PCDHA9: variants seen among roughly 807,000 people sequenced by gnomAD.
PCDHA9 encodes the protein protocadherin alpha 9, also known as protocadherin alpha-9.
In PCDHA9, 62 loss-of-function variants were observed where a neutral mutation model predicts 62.0. The ratio of observed to expected loss-of-function variants is 1.00; its 90% CI spans 0.81 to 1.23. The LOEUF (loss-of-function observed/expected upper bound fraction) is 1.23. Among genes scored for constraint, PCDHA9 ranks in the 50% most tolerant of loss-of-function variants. The probability of loss-of-function intolerance (pLI) is 0.00; values close to 1 mark genes in which losing one functional copy is unlikely to be tolerated. For synonymous variants in PCDHA9, 557 were observed against 567.6 expected, an observed-to-expected ratio of 0.98 and a Z score of 0.27; for missense variants, 1,205 against 1,249.8, an observed-to-expected ratio of 0.96 and a Z score of 0.54.
intron 1 of PCDHA9, chr5:140,969,110 C>G (rs1380719565): frequency 2.5e-6 from 4 of 1,614,064 alleles, no homozygotes; most frequent in South Asian, 2.2e-5. Context: ...CATTGAAGTT[C>G]GAGGGAATGG....
At chr5:140,891,419 C>T (rs925275455) in intron 1 of PCDHA9, among the ~76,000 whole-genome samples, 1 of 147,378 alleles carries the variant, frequency 6.8e-6, no homozygotes, top group African/African-American at 2.5e-5. Flanking sequence ...CACTCTTGCC[C>T]CCAAGTCCCC....
chr5:140,942,145 CAT>C (rs2093239780), intron 1 of PCDHA9, among the ~76,000 whole-genome samples: 1 of 152,176 alleles, frequency 6.6e-6, no homozygotes, highest in African/African-American at 2.4e-5. Context: ...CTTTACTTGA[CAT>C]AAAACAGCTT....
chr5:140,992,352 G>C (rs1554252825), intron 3 of PCDHA9, among the ~76,000 whole-genome samples: 1 of 152,162 alleles, frequency 6.6e-6, no homozygotes, highest in African/African-American at 2.4e-5. Context: ...TGTGGAGAGA[G>C]GAGAAAAATG....
chr5:140,876,637 C>T, intron 1 of PCDHA9: 1 of 1,614,206 alleles, frequency 6.2e-7, no homozygotes, highest in Non-Finnish European at 8.5e-7. Context: ...CATCTGCTCA[C>T]TGACACCTCA....
chr5:140,915,077 C>G (rs2076970768), intron 1 of PCDHA9, among the ~76,000 whole-genome samples: 1 of 151,656 alleles, frequency 6.6e-6, no homozygotes. Flanking sequence ...TACTGAGTAG[C>G]TGGGACTATG....
chr5:140,849,113 G>A lies in PCDHA9; in HGVS notation c.618G>A (p.Pro206=). The A allele has an allele frequency of 1.4e-6, 2 of 1,434,592 alleles. No individual in the cohort carries two copies. The highest frequency in any genetic ancestry group is 1.9e-6 in the Non-Finnish European group (2 of 1,058,650). 88.9% of individuals were successfully genotyped at this position (1,434,592 alleles called of 1,614,324 possible). The part of the protein sequence containing the change: ...LRKLLDREET[P]ELHLLLTATD... ...AACTTTTAGACAGAGAAGAAACTCC[G>A]GAGCTTCATTTATTGCTCACGGCCA... The change falls in exon 1 of 4, where the codon CCG becomes CCA. Residue 206 remains proline (P), a synonymous_variant. Transcript: ENST00000532602.
At chr5:140,951,440 A>G (rs1296002857) in intron 1 of PCDHA9, among the ~76,000 whole-genome samples, 2 of 152,004 alleles carry the variant, frequency 1.3e-5, no homozygotes, top group Non-Finnish European at 2.9e-5. Flanking sequence ...TGTAGGAAGC[A>G]TGATGCCGGC....
chr5:140,852,779 T>C, intron 1 of PCDHA9: 1 of 979,786 alleles, frequency 1.0e-6, no homozygotes, highest in South Asian at 4.8e-5. Flanking sequence ...TTGATGTGAA[T>C]AGAGGGATGC....
intron 1 of PCDHA9, among the ~76,000 whole-genome samples, chr5:140,933,231 A>G (rs1488760874): frequency 4.6e-5 from 7 of 152,008 alleles, no homozygotes; most frequent in Non-Finnish European, 1.0e-4. Context: ...GCATTTATGA[A>G]AAAGAAAGGA....
At chr5:140,930,258 ATTTCT>A (rs1398620749) in intron 1 of PCDHA9, 6 of 152,342 alleles carry the variant, frequency 3.9e-5, no homozygotes, top group African/African-American at 1.4e-4. Flanking sequence ...CTTGGATTTA[ATTTCT>A]TTTATTTTAG....
At chr5:140,864,838 A>C (rs868993134) in intron 1 of PCDHA9, 5 of 152,252 alleles carry the variant, frequency 3.3e-5, no homozygotes, top group Admixed American at 1.3e-4. Flanking sequence ...AGTATAAGAG[A>C]GTCTTCCCAT....
chr5:140,918,899 C>G (rs2078917474), intron 1 of PCDHA9, among the ~76,000 whole-genome samples: 1 of 152,206 alleles, frequency 6.6e-6, no homozygotes, highest in African/African-American at 2.4e-5. Context: ...AAATAAATCT[C>G]TCTTGTTTAT....
At chr5:140,934,879 T>C (rs1202301097) in intron 1 of PCDHA9, among the ~76,000 whole-genome samples, 1 of 152,206 alleles carries the variant, frequency 6.6e-6, no homozygotes, top group African/African-American at 2.4e-5. Flanking sequence ...TGTTTGTGTA[T>C]CTTGTTTTAA....
Position 140,877,431 on chromosome 5 carries a change from C to T in PCDHA9, c.2394+26542C>T, listed in dbSNP as rs782442127. 8.1e-6 allele frequency: 13 copies of T among 1,613,836 alleles called. No homozygotes were observed. The Admixed American group carries it at 2.2e-4, about 27-fold the overall frequency. On this transcript the variant is annotated intron_variant, in intron 1 of 3. Transcript: ENST00000532602. ...ACCGCCTGCTGGTGCTGGTGAAGGA[C>T]CACGGTGAGCCCGCGCTGACGTCCA...
At chr5:140,958,406 G>A (rs576536874) in intron 1 of PCDHA9, among the ~76,000 whole-genome samples, 2 of 152,204 alleles carry the variant, frequency 1.3e-5, no homozygotes, top group African/African-American at 4.8e-5. Context: ...CATTATCACT[G>A]ATGCTTGGAA....
At chr5:140,923,971 A>G (rs557891257) in intron 1 of PCDHA9, among the ~76,000 whole-genome samples, 2 of 152,330 alleles carry the variant, frequency 1.3e-5, no homozygotes, top group East Asian at 3.9e-4. Flanking sequence ...ATACCCACAC[A>G]TACTATCCCT....
chr5:140,856,155 A>G (rs533990024), intron 1 of PCDHA9: 1 of 1,598,294 alleles, frequency 6.3e-7, no homozygotes, highest in African/African-American at 1.3e-5. Context: ...TCAGTCTACG[A>G]GGAGGCCAGA....
chr5:140,933,405 T>C (rs2089126451), intron 1 of PCDHA9, among the ~76,000 whole-genome samples: 1 of 152,062 alleles, frequency 6.6e-6, no homozygotes, highest in African/African-American at 2.4e-5. Context: ...GGTTACCATC[T>C]ACAGATATTC....
Position 141,011,605 on chromosome 5 carries a change from T to C in PCDHA9, c.*1668T>C, listed in dbSNP as rs971128266. On this transcript the variant is annotated 3_prime_UTR_variant, in exon 4 of 4. Coordinates refer to ENST00000532602, the MANE Select transcript of PCDHA9 (RefSeq NM_031857.2). The stretch of plus-strand genomic sequence containing the variant: ...AAGATACTGGTGATTCAAGGAATTT[T>C]ATTTATGGTCCAGCCAAGAGCCATC... 4 of 153,780 alleles carry C rather than the reference T, an allele frequency of 2.6e-5. No homozygotes were observed. Among genetic ancestry groups the C allele is most frequent in the Non-Finnish European group, 4.4e-5 (3 of 68,032 alleles). 9.5% of individuals were successfully genotyped at this position (153,780 alleles called of 1,614,324 possible). A position where few individuals can be genotyped will look rare whatever the true frequency, so the allele number is the denominator to read the frequency against.
Sources: allele counts gnomAD v4.1 joint callset (sites outside exome capture counted in the v4.1 genomes callset), GRCh38; gene constraint gnomAD v4.1.1; transcripts MANE v1.5; gene names NCBI Gene and HGNC (gene_info 2026-07-23, HGNC 2026-07-21).